NEK10: variants seen among roughly 807,000 people sequenced by gnomAD.
The protein encoded by NEK10 is NIMA related kinase 10.
Under a neutral mutation model 159.8 loss-of-function variants are expected in NEK10, and 122 were observed. The observed-to-expected ratio is 0.76, with a 90% confidence interval of 0.66 to 0.89. The LOEUF (loss-of-function observed/expected upper bound fraction) is 0.89. NEK10 is among the 40% of genes least tolerant of loss of function. The pLI, the probability that NEK10 is intolerant of heterozygous loss-of-function variation, is 0.00. For synonymous variants in NEK10, 466 were observed against 457.1 expected (o/e 1.02, Z -0.25); for missense variants, 1,342 against 1,323.1 (o/e 1.01, Z -0.22).
At chr3:27,281,281 G>A (rs1325621353) in intron 22 of NEK10, among the ~76,000 whole-genome samples, 1 of 151,976 alleles carries the variant, frequency 6.6e-6, no homozygotes, top group East Asian at 1.9e-4. Context: ...GAAAAGTAGT[G>A]AAGAAATAAT....
chr3:27,299,481 C>A (rs2043627607), intron 13 of NEK10, among the ~76,000 whole-genome samples: 1 of 152,212 alleles, frequency 6.6e-6, no homozygotes, highest in South Asian at 2.1e-4. Context: ...TAGGGCAGTT[C>A]AGAAGGGAAA....
intron 23 of NEK10, among the ~76,000 whole-genome samples, chr3:27,237,483 T>C (rs575938911): frequency 6.6e-6 from 1 of 152,284 alleles, no homozygotes; most frequent in South Asian, 2.1e-4. Flanking sequence ...CTGATAAATG[T>C]CCATGAAATC....
intron 1 of NEK10, among the ~76,000 whole-genome samples, chr3:27,361,999 CA>C (rs1179314629): frequency 1.3e-5 from 2 of 152,000 alleles, no homozygotes; most frequent in South Asian, 2.1e-4. Context: ...TAAAAGAAGA[CA>C]TTTTTTAATG....
intron 11 of NEK10, among the ~76,000 whole-genome samples, chr3:27,305,175 C>T (rs1007216551): frequency 6.6e-6 from 1 of 152,226 alleles, no homozygotes; most frequent in African/African-American, 2.4e-5. Context: ...CACAACTACT[C>T]AGCTATGCTG....
At chr3:27,305,625 A>AT (rs1553627450) in intron 11 of NEK10, among the ~76,000 whole-genome samples, 5,564 of 40,408 alleles carry the variant, frequency 0.14, 129 homozygotes, top group African/African-American at 0.36. Flanking sequence ...AAAAAAAAAA[A>AT]AAAAATAATA....
intron 6 of NEK10, among the ~76,000 whole-genome samples, chr3:27,316,796 A>AG (rs1160812814): frequency 2.6e-5 from 4 of 151,526 alleles, no homozygotes; most frequent in African/African-American, 4.9e-5. Context: ...AAAAGAAAAA[A>AG]AAAGAAAAGA....
intron 23 of NEK10, among the ~76,000 whole-genome samples, chr3:27,224,785 T>C (rs372261827): frequency 5.3e-5 from 8 of 152,196 alleles, no homozygotes; most frequent in African/African-American, 1.9e-4. Flanking sequence ...TTAAACATCA[T>C]TTTTTCTCTT....
chr3:27,256,457 C>A, intron 22 of NEK10, 86 bp from the exon 23 acceptor site: 1 of 597,056 alleles, frequency 1.7e-6, no homozygotes, highest in Non-Finnish European at 2.7e-6. Flanking sequence ...TACACAATAA[C>A]TACTACACTT....
intron 26 of NEK10, among the ~76,000 whole-genome samples, chr3:27,191,586 T>A (rs1290809268): frequency 6.6e-6 from 1 of 152,232 alleles, no homozygotes; most frequent in Non-Finnish European, 1.5e-5. Context: ...ATGGCAACAT[T>A]ATTAATACCA....
chr3:27,363,623 T>C (rs1575948835), intron 1 of NEK10: 1 of 152,206 alleles, frequency 6.6e-6, no homozygotes. Context: ...AATCTCTCCA[T>C]AAATACAAGG....
intron 23 of NEK10, among the ~76,000 whole-genome samples, chr3:27,253,363 G>A (rs1334458249): frequency 1.3e-5 from 2 of 152,112 alleles, no homozygotes; most frequent in Non-Finnish European, 1.5e-5. Flanking sequence ...TGAAGATGGT[G>A]TCTAATTTTC....
chr3:27,166,682 T>C (rs1183012336), intron 29 of NEK10, among the ~76,000 whole-genome samples: 1 of 152,172 alleles, frequency 6.6e-6, no homozygotes, highest in African/African-American at 2.4e-5. Context: ...TAGAAAGGCC[T>C]GGCACGGTGG....
Position 27,117,472 on chromosome 3 carries a change from C to A in NEK10, c.3191-1345G>T, listed in dbSNP as rs1940638298. On this transcript the variant is annotated intron_variant, in intron 33 of 35. Coordinates refer to ENST00000691995, the MANE Select transcript of NEK10 (RefSeq NM_001394966.1). ...GTGTAAAAGCATTCCTATTTCTCCA[C>A]AGCCTTGCCAACATCTGTTGTTTCT... Among the ~76,000 whole-genome samples the A allele has an allele frequency of 2.6e-5, 4 of 152,338 alleles. No homozygotes were observed. The South Asian group carries it at 8.3e-4, about 32-fold the overall frequency.
intron 33 of NEK10, among the ~76,000 whole-genome samples, chr3:27,117,737 T>A (rs749022073): frequency 1.3e-5 from 2 of 152,244 alleles, no homozygotes; most frequent in Non-Finnish European, 2.9e-5. Context: ...CTTTGTCGGA[T>A]AGATAGATTG....
At chr3:27,261,598 T>C (rs1197499271) in intron 22 of NEK10, among the ~76,000 whole-genome samples, 1 of 152,234 alleles carries the variant, frequency 6.6e-6, no homozygotes, top group Non-Finnish European at 1.5e-5. Context: ...CAGTTTGTTA[T>C]AATTTCTGTT....
intron 5 of NEK10, among the ~76,000 whole-genome samples, chr3:27,330,157 T>G (rs1331516078): frequency 6.6e-6 from 1 of 152,196 alleles, no homozygotes; most frequent in Non-Finnish European, 1.5e-5. Flanking sequence ...CCTGTGTGTG[T>G]GTGTACATGT....
intron 23 of NEK10, among the ~76,000 whole-genome samples, chr3:27,211,550 A>G (rs1951009628): frequency 2.0e-5 from 3 of 152,128 alleles, no homozygotes; most frequent in African/African-American, 7.2e-5. Context: ...TGTCCTTTCC[A>G]TTAGGTCCAG....
At chr3:27,142,891 G>C (rs1308398658) in intron 30 of NEK10, among the ~76,000 whole-genome samples, 2 of 152,114 alleles carry the variant, frequency 1.3e-5, no homozygotes, top group African/African-American at 4.8e-5. Context: ...TCTAGTTCTA[G>C]CTCATCTGCA....
At chr3:27,294,018 G>A (rs1217131452) in intron 15 of NEK10, among the ~76,000 whole-genome samples, 1 of 152,166 alleles carries the variant, frequency 6.6e-6, no homozygotes, top group East Asian at 1.9e-4. Context: ...AGCCTGCTAT[G>A]TATACCTCAA....
Sources: gnomAD v4.1 joint callset for allele counts (sites outside exome capture counted in the v4.1 genomes callset) on GRCh38, gnomAD v4.1.1 for gene constraint, MANE v1.5 for transcripts, NCBI Gene and HGNC (gene_info 2026-07-23, HGNC 2026-07-21) for gene names.